CASZ1: variants seen among roughly 807,000 people sequenced by gnomAD.
CASZ1 encodes castor zinc finger 1, also known as zinc finger protein castor homolog 1.
CASZ1 carries 28 observed loss-of-function variants against 135.2 expected under a neutral mutation model. That is an observed-to-expected ratio of 0.21 (90% CI 0.15 to 0.28). The LOEUF (loss-of-function observed/expected upper bound fraction) is 0.28, where lower values mean the gene tolerates loss of function less well. Among genes scored for constraint, CASZ1 ranks in the 10% least tolerant of loss-of-function variants. CASZ1 has a pLI of 1.00. For synonymous variants in CASZ1, 1,068 were observed against 1,073.4 expected (o/e 0.99, Z 0.10); for missense variants, 2,161 against 2,453.3 (o/e 0.88, Z 2.52).
Position 10,739,240 on chromosome 1 carries a change from C to T in CASZ1, c.-77+21461G>A, listed in dbSNP as rs989951289. ...GCAACCTGCAGCTGCGGGACGGGTG[C>T]ATTCACGAGGGGGGTGTGTGCGCCT... is the stretch of plus-strand genomic sequence containing the variant. On this transcript the variant is annotated intron_variant, in intron 2 of 20. Transcript: ENST00000377022. This position sits in a 1 kb window ranked among gnomAD's most constrained non-coding sequence, Gnocchi z 4.8. 1.3e-5 allele frequency among the ~76,000 whole-genome samples: 2 copies of T among 152,128 alleles called. No individual in the cohort carries two copies. The highest frequency in any genetic ancestry group is 1.9e-4 in the East Asian group (1 of 5,176).
In CASZ1 at chr1:10,660,524, G is replaced by A. The variant is rs2100264560; in HGVS notation, c.518C>T (p.Ser173Leu). The change falls in exon 6 of 21, where the codon TCG (serine) becomes TTG (leucine). Residue 173 changes from serine (S) to leucine (L), a missense_variant. Coordinates refer to ENST00000377022, the MANE Select transcript of CASZ1 (RefSeq NM_001079843.3). ...GGTGGAGGCCGCGTAGTCCCGCAGC[G>A]AGGAGGCCTCTCCTGCAGAGGAGGA... is the stretch of plus-strand genomic sequence containing the variant. ...STRQASGEASSLRDYAASTMT... is the reference protein window; with the variant it reads ...STRQASGEASLLRDYAASTMT... The A allele has an allele frequency of 1.9e-6, 3 of 1,612,392 alleles. No homozygotes were observed. Among genetic ancestry groups the A allele is most frequent in the Middle Eastern group, 1.7e-4 (1 of 6,060 alleles).
rs75869657 is a variant in CASZ1, at chr1:10,729,827, T to A, written c.-76-24283A>T. On this transcript the variant is annotated intron_variant, in intron 2 of 20. Transcript: ENST00000377022. Reference sequence around the variant, plus strand: ...ATTCACTTTATTTTATTTTTTTTTTTATTTTTGACATGGAGTCTCGCTCTG... The same window carrying A: ...ATTCACTTTATTTTATTTTTTTTTTAATTTTTGACATGGAGTCTCGCTCTG... Among the ~76,000 whole-genome samples, 9 of 151,226 alleles carry A rather than the reference T, an allele frequency of 6.0e-5. No individual in the cohort carries two copies. The South Asian group carries it at 1.3e-3, about 21-fold the overall frequency.
intron 4 of CASZ1, among the ~76,000 whole-genome samples, chr1:10,680,227 G>A (rs945559696): frequency 7.0e-6 from 1 of 143,496 alleles, no homozygotes; most frequent in Non-Finnish European, 1.5e-5. Flanking sequence ...CAGGCAGAAG[G>A]CCTTACGATG....
rs1321948769 is a variant in CASZ1 at position 10,639,113 on chromosome 1, G to A, written c.5109C>T (p.Asp1703=). ...EDEDDDEDDD[D]EDDDEDDDDE... Reference sequence around the variant, plus strand: ...CGTCGTCGTCCTCGTCGTCGTCCTCGTCGTCGTCGTCCTCGTCGTCGTCCT... The same window carrying A: ...CGTCGTCGTCCTCGTCGTCGTCCTCATCGTCGTCGTCCTCGTCGTCGTCCT... The change falls in exon 21 of 21, where the codon GAC becomes GAT. Residue 1703 remains aspartate (D), a synonymous_variant. Coordinates refer to ENST00000377022, the MANE Select transcript of CASZ1 (RefSeq NM_001079843.3). The surrounding 1 kb of genome is among the most constrained non-coding windows in gnomAD (Gnocchi z 4.0). 2 of 1,132,788 alleles carry A rather than the reference G, an allele frequency of 1.8e-6. No individual in the cohort carries two copies. The highest frequency in any genetic ancestry group is 1.7e-5 in the African/African-American group (1 of 59,016). The allele number at this position is 1,132,788 out of a possible 1,614,324, so 70.2% of individuals were successfully genotyped here.
chr1:10,759,026 C>T lies in CASZ1; in HGVS notation c.-77+1675G>A, dbSNP rs1171373307. The stretch of plus-strand genomic sequence containing the variant: ...TTGCATGACCCCTGGGAGTCAACAG[C>T]GAATGGAAACTTCAGAAAGGGAAAA... On this transcript the variant is annotated intron_variant, in intron 2 of 20. Transcript: ENST00000377022. The surrounding 1 kb of genome is among the most constrained non-coding windows in gnomAD (Gnocchi z 4.2). 3.3e-5 allele frequency among the ~76,000 whole-genome samples: 5 copies of T among 152,138 alleles called. No homozygotes were observed. In the East Asian group the frequency reaches 7.7e-4, roughly 23 times the overall value.
chr1:10,664,808 A>G (rs542031621), intron 5 of CASZ1, among the ~76,000 whole-genome samples: 110 of 150,146 alleles, frequency 7.3e-4, no homozygotes, highest in African/African-American at 2.6e-3. Flanking sequence ...CCACCCGTCT[A>G]TCCCTCCCTC....
chr1:10,667,968 C>T (rs1249004074), intron 4 of CASZ1, among the ~76,000 whole-genome samples: 1 of 152,082 alleles, frequency 6.6e-6, no homozygotes, highest in African/African-American at 2.4e-5. Flanking sequence ...CCCCTTTGCT[C>T]CTGCCGACTC....
At chr1:10,728,257 T>C (rs1445900201) in intron 2 of CASZ1, among the ~76,000 whole-genome samples, 1 of 152,212 alleles carries the variant, frequency 6.6e-6, no homozygotes, top group Non-Finnish European at 1.5e-5. Flanking sequence ...CACCTCTGGG[T>C]TTGGGCCCCT....
rs1640690273 is a variant in CASZ1, at chr1:10,777,931, AC to A, written c.-233-17075del. ...CACACAGGCACACACAGTCTTCCACACCATTTCACACTATGTCACAACCACA... is the reference window on the plus strand; with the variant it reads ...CACACAGGCACACACAGTCTTCCACACATTTCACACTATGTCACAACCACA... On this transcript the variant is annotated intron_variant, in intron 1 of 20. Transcript: ENST00000377022. This position sits in a 1 kb window ranked among gnomAD's most constrained non-coding sequence, Gnocchi z 4.4. Among the ~76,000 whole-genome samples the A allele has an allele frequency of 1.3e-5, 2 of 152,006 alleles. No individual in the cohort carries two copies. Among genetic ancestry groups the A allele is most frequent in the Non-Finnish European group, 2.9e-5 (2 of 68,010 alleles).
At chr1:10,790,965 A>AT (rs954594785) in intron 1 of CASZ1, among the ~76,000 whole-genome samples, 28 of 150,434 alleles carry the variant, frequency 1.9e-4, no homozygotes, top group African/African-American at 5.1e-4. Flanking sequence ...ATAAAAGGTG[A>AT]TTTTTTTTTT....
At chr1:10,656,581 A>G in intron 8 of CASZ1, 65 bp downstream of exon 8, 2 of 1,281,268 alleles carry the variant, frequency 1.6e-6, no homozygotes, top group Non-Finnish European at 1.1e-6. Context: ...CCGCCTGCCG[A>G]CTTCTAAGCG....
chr1:10,649,028 T>C (rs769698157), intron 15 of CASZ1, 42 bp downstream of exon 15: 11 of 1,600,722 alleles, frequency 6.9e-6, no homozygotes, highest in Middle Eastern at 2.1e-4. Flanking sequence ...CAGGCTGGGA[T>C]CCGTGGGGCT....
chr1:10,652,368 G>A (rs1642622008), intron 11 of CASZ1: 1 of 152,298 alleles, frequency 6.6e-6, no homozygotes, highest in African/African-American at 2.4e-5. Context: ...CCACGGCGTG[G>A]GGCTCTGTCT....
At chr1:10,795,024 AAG>A (rs1190798041) in intron 1 of CASZ1, among the ~76,000 whole-genome samples, 14 of 151,996 alleles carry the variant, frequency 9.2e-5, no homozygotes, top group Non-Finnish European at 2.1e-4. Context: ...TGGCTTCGGA[AAG>A]AGAGAGAAAG....
In CASZ1 at chr1:10,693,857, T is replaced by A. The variant is rs1638844670; in HGVS notation, c.16+17A>T. The A allele has an allele frequency of 6.4e-7, 1 of 1,566,988 alleles. No homozygotes were observed. The highest frequency in any genetic ancestry group is 1.4e-5 in the African/African-American group (1 of 73,048). ...GAAAAGTGAAAGAGCCGCCCCTGCG[T>A]TCCCACCGGCCGGTACCTGTTCCAA... On this transcript the variant is annotated intron_variant, in intron 4 of 20. Transcript: ENST00000377022.
intron 13 of CASZ1, chr1:10,649,671 T>A: frequency 3.9e-6 from 2 of 513,410 alleles, no homozygotes; most frequent in East Asian, 6.0e-5. Flanking sequence ...CTCCTCCACA[T>A]GAGCCCGTGC....
intron 2 of CASZ1, among the ~76,000 whole-genome samples, chr1:10,730,280 C>T (rs570323744): frequency 2.6e-5 from 4 of 152,196 alleles, no homozygotes; most frequent in African/African-American, 2.4e-5. Context: ...GTGATCTGCC[C>T]GCCTCGGCCT....
intron 11 of CASZ1, chr1:10,653,077 G>A (rs924693288): frequency 1.1e-5 from 5 of 444,264 alleles, no homozygotes; most frequent in Admixed American, 3.6e-5. Context: ...CAGACAGGGA[G>A]GGGGGACCTG....
chr1:10,783,879 A>AAAAC (rs1390744542), intron 1 of CASZ1, among the ~76,000 whole-genome samples: 1 of 151,210 alleles, frequency 6.6e-6, no homozygotes, highest in Non-Finnish European at 1.5e-5. Flanking sequence ...CTCAAAAAAA[A>AAAAC]AAAAAAAAAA....
Sources: gnomAD v4.1 joint callset for allele counts (sites outside exome capture counted in the v4.1 genomes callset) on GRCh38, gnomAD v4.1.1 for gene constraint, Gnocchi (gnomAD v3.1) non-coding constraint, MANE v1.5 for transcripts, NCBI Gene and HGNC (gene_info 2026-07-23, HGNC 2026-07-21) for gene names.